Variants in HNRNPK observed in about 807,000 individuals in gnomAD.
The protein encoded by HNRNPK is heterogeneous nuclear ribonucleoprotein K, also known as dC-stretch binding protein.
A neutral mutation model predicts 67.0 loss-of-function variants in HNRNPK; 7 were observed. The ratio of observed to expected loss-of-function variants is 0.10; its 90% CI spans 0.06 to 0.20. HNRNPK has a LOEUF of 0.20. Ranked by LOEUF, HNRNPK falls within the 10% of genes least tolerant of loss-of-function variation. The pLI is 1.00. For missense variants in HNRNPK, 264 were observed against 606.5 expected, an observed-to-expected ratio of 0.44 and a Z score of 5.93; for synonymous variants, 213 against 193.7, an observed-to-expected ratio of 1.10 and a Z score of -0.83.
intron 11 of HNRNPK, 23 bp downstream of exon 11, chr9:83,971,859 C>G: frequency 6.4e-7 from 1 of 1,556,034 alleles, no homozygotes; most frequent in Non-Finnish European, 8.7e-7. Context: ...GAAAAAACAA[C>G]AACAACAAAA....
intron 9 of HNRNPK, 24 bp from the exon 10 acceptor site, chr9:83,972,996 A>T (rs1956920989): frequency 2.6e-6 from 4 of 1,515,440 alleles, no homozygotes; most frequent in Non-Finnish European, 3.6e-6. Context: ...ATAAAAAAAA[A>T]TAATAATAAT....
At chr9:83,979,265 T>C (rs1036298825) in intron 1 of HNRNPK, among the ~76,000 whole-genome samples, 2 of 152,086 alleles carry the variant, frequency 1.3e-5, no homozygotes, top group Non-Finnish European at 2.9e-5. Flanking sequence ...CCTCCCATTC[T>C]CCCATACCGT....
chr9:83,968,774 T>A lies in HNRNPK; in HGVS notation c.*633A>T, dbSNP rs942293176. ...TAAGTTTGCCAAGTTATTTTGCCTA[T>A]GTCCAACAAGAGATGCACTTATATG... On this transcript the variant is annotated 3_prime_UTR_variant, in exon 17 of 17. Transcript: ENST00000376263. The A allele has an allele frequency of 2.3e-4, 35 of 152,780 alleles. No individual in the cohort carries two copies. The highest frequency in any genetic ancestry group is 6.8e-3 in the Middle Eastern group (2 of 294). 9.5% of individuals were successfully genotyped at this position (152,780 alleles called of 1,614,324 possible). A position where few individuals can be genotyped will look rare whatever the true frequency, so the allele number is the denominator to read the frequency against.
At position 83,976,923 on chromosome 9, in the gene HNRNPK, G is replaced by A. The variant is rs898139358; in HGVS notation, c.213+72C>T. 3.4e-5 allele frequency: 28 copies of A among 825,562 alleles called. No homozygotes were observed. The African/African-American group carries it at 4.5e-4, about 13-fold the overall frequency. 51.1% of individuals were successfully genotyped at this position (825,562 alleles called of 1,614,324 possible). A position where few individuals can be genotyped will look rare whatever the true frequency, so the allele number is the denominator to read the frequency against. On this transcript the variant is annotated intron_variant, in intron 5 of 16. Coordinates refer to ENST00000376263, the MANE Select transcript of HNRNPK (RefSeq NM_031263.4). ...TAAACTATGAAATGATTTCTAGGAT[G>A]TAAATCTTTAAATTTCTATAGACAT...
At chr9:83,977,823 G>C in intron 3 of HNRNPK, 37 bp from the exon 4 acceptor site, 1 of 1,313,098 alleles carries the variant, frequency 7.6e-7, no homozygotes. Context: ...AGAAAGCAGC[G>C]AAGTCTCCAA....
At chr9:83,975,346 C>T (rs1564066701) in intron 6 of HNRNPK, 116 bp downstream of exon 6, 2 of 961,200 alleles carry the variant, frequency 2.1e-6, no homozygotes, top group Non-Finnish European at 3.2e-6. Context: ...AAGACAGAAA[C>T]TTGAAAAACA....
Position 83,970,967 on chromosome 9 carries a change from G to C in HNRNPK, c.1093-55C>G. ...TACTTTGCCGTTGTAATTACTACCGGTACTTTAAAAAAATTCATTTAATAA... is the reference window on the plus strand; with the variant it reads ...TACTTTGCCGTTGTAATTACTACCGCTACTTTAAAAAAATTCATTTAATAA... On this transcript the variant is annotated intron_variant, in intron 13 of 16. Transcript: ENST00000376263. The C allele has an allele frequency of 2.0e-6, 3 of 1,537,692 alleles. No homozygotes were observed. The South Asian group carries it at 3.4e-5, about 17-fold the overall frequency.
chr9:83,975,931 C>T (rs1957046559), intron 5 of HNRNPK, among the ~76,000 whole-genome samples: 1 of 152,108 alleles, frequency 6.6e-6, no homozygotes, highest in Non-Finnish European at 1.5e-5. Context: ...GTTTCAGTAG[C>T]AGGCTGGCTC....
chr9:83,975,578 T>C (rs1229269758), intron 5 of HNRNPK, 73 bp from the exon 6 acceptor site: 4 of 1,300,158 alleles, frequency 3.1e-6, no homozygotes, highest in Admixed American at 1.7e-5. Flanking sequence ...TCAAGTATGG[T>C]ACCCGTTTGG....
At chr9:83,972,397 T>C (rs1431782743) in intron 10 of HNRNPK, 1 of 555,202 alleles carries the variant, frequency 1.8e-6, no homozygotes, top group Non-Finnish European at 3.2e-6. Context: ...TAAACAAAAG[T>C]GAGTTCTATT....
chr9:83,970,707 A>C, intron 15 of HNRNPK, 30 bp downstream of exon 15: 1 of 1,264,640 alleles, frequency 7.9e-7, no homozygotes, highest in South Asian at 1.2e-5. Context: ...AAAGTGATAA[A>C]ATGTTCCTGG....
Position 83,974,345 on chromosome 9 carries a change from T to A in HNRNPK, c.330+172A>T, listed in dbSNP as rs1228191304. ...AGGAGTGGCCAGCCTGTTTTTTTTT[T>A]TAAAAAAAAAAAAACAAATTACGCA... On this transcript the variant is annotated intron_variant, in intron 7 of 16. Transcript: ENST00000376263. Among the ~76,000 whole-genome samples the A allele has an allele frequency of 1.5e-3, 211 of 139,500 alleles. 1 individual carries two copies. The highest frequency in any genetic ancestry group is 5.9e-3 in the South Asian group (26 of 4,370). The allele number at this position is 139,500 out of a possible 152,430, so 91.5% of individuals were successfully genotyped here.
At chr9:83,970,980 A>T (rs1445536881) in intron 13 of HNRNPK, 68 bp from the exon 14 acceptor site, 1 of 1,479,280 alleles carries the variant, frequency 6.8e-7, no homozygotes, top group South Asian at 1.1e-5. Flanking sequence ...CTTTAAAAAA[A>T]TTCATTTAAT....
At chr9:83,979,011 G>A (rs570978308) in intron 1 of HNRNPK, among the ~76,000 whole-genome samples, 9 of 152,264 alleles carry the variant, frequency 5.9e-5, no homozygotes, top group African/African-American at 2.2e-4. Flanking sequence ...ATTAATCAGC[G>A]AAACAAATGG....
intron 12 of HNRNPK, 23 bp downstream of exon 12, chr9:83,971,649 T>C (rs376424221): frequency 1.1e-5 from 18 of 1,594,706 alleles, no homozygotes; most frequent in South Asian, 9.9e-5. Flanking sequence ...CCCAACACAC[T>C]GGTAATAAAC....
At chr9:83,973,261 T>C (rs776751064) in intron 9 of HNRNPK, 25 bp downstream of exon 9, 2 of 1,292,744 alleles carry the variant, frequency 1.5e-6, no homozygotes, top group East Asian at 2.3e-5. Flanking sequence ...CAGCAAAGAA[T>C]ACGGCAGAAT....
At chr9:83,977,574 C>A in intron 4 of HNRNPK, 115 bp downstream of exon 4, 1 of 619,502 alleles carries the variant, frequency 1.6e-6, no homozygotes. Context: ...TAGAAAGAAC[C>A]AAATGTTTTA....
intron 7 of HNRNPK, among the ~76,000 whole-genome samples, 183 bp from the exon 8 acceptor site, chr9:83,974,156 A>G (rs1956970518): frequency 6.6e-6 from 1 of 152,178 alleles, no homozygotes; most frequent in Non-Finnish European, 1.5e-5. Flanking sequence ...CACCTAGTGA[A>G]TTATGTAGAG....
intron 15 of HNRNPK, 167 bp from the exon 16 acceptor site, chr9:83,970,498 C>T (rs1319618785): frequency 1.5e-6 from 1 of 657,018 alleles, no homozygotes; most frequent in African/African-American, 1.8e-5. Flanking sequence ...TTATGTCACA[C>T]TTACTAATGT....
Sources: gnomAD v4.1 joint callset for allele counts (sites outside exome capture counted in the v4.1 genomes callset) on GRCh38, gnomAD v4.1.1 for gene constraint, MANE v1.5 for transcripts, NCBI Gene and HGNC (gene_info 2026-07-23, HGNC 2026-07-21) for gene names.